TSC1: variants seen among roughly 807,000 people sequenced by gnomAD.
TSC1 encodes the protein TSC complex subunit 1.
In TSC1, 20 loss-of-function variants were observed where a neutral mutation model predicts 124.3. That is an observed-to-expected ratio of 0.16 (90% confidence interval 0.11 to 0.23). The LOEUF (loss-of-function observed/expected upper bound fraction) is 0.23. Among genes scored for constraint, TSC1 ranks in the 10% least tolerant of loss-of-function variants. TSC1 has a pLI of 1.00. For synonymous variants in TSC1, 493 were observed against 539.1 expected, an observed-to-expected ratio of 0.91 and a Z score of 1.19; for missense variants, 1,124 against 1,448.5, an observed-to-expected ratio of 0.78 and a Z score of 3.64.
At chr9:132,939,923 G>A (rs1564513972) in intron 1 of TSC1, among the ~76,000 whole-genome samples, 1 of 152,140 alleles carries the variant, frequency 6.6e-6, no homozygotes, top group Non-Finnish European at 1.5e-5. Flanking sequence ...GGCCTTCTAG[G>A]TAATTCTGAC....
chr9:132,918,396 A>C (rs899115102), intron 8 of TSC1, among the ~76,000 whole-genome samples: 6 of 152,184 alleles, frequency 3.9e-5, no homozygotes, highest in African/African-American at 1.4e-4. Flanking sequence ...AGGGGAGCTA[A>C]AATACTGAAG....
In TSC1 at chr9:132,905,831, G is replaced by A. The variant is rs2131827202; in HGVS notation, c.1747C>T (p.Pro583Ser). 1.9e-6 allele frequency: 3 copies of A among 1,614,146 alleles called. No homozygotes were observed. Among genetic ancestry groups the A allele is most frequent in the Non-Finnish European group, 2.5e-6 (3 of 1,179,956 alleles). ...GGAGGTGGAATTTTACAAGGACTGG[G>A]AGTGAAGATACTGGTCTCCAAAGAA... ...QTSLETSIFT[P>S]SPCKIPPPTR... Residue 583 changes from proline (P) to serine (S), a missense_variant, in exon 15 of 23, where the codon CCC becomes TCC. By Grantham distance (74) the Pro-to-Ser change is moderately conservative. This residue lies in a region of TSC1 where 321 missense variants were observed against 397.4 expected (regional missense o/e 0.81). Coordinates refer to ENST00000298552, the MANE Select transcript of TSC1 (RefSeq NM_000368.5).
Position 132,892,172 on chromosome 9 carries a change from G to C in TSC1, c.*4063C>G, listed in dbSNP as rs565885149. 1.7e-4 allele frequency: 39 copies of C among 233,320 alleles called. No homozygotes were observed. The highest frequency in any genetic ancestry group is 2.8e-4 in the Admixed American group (5 of 17,802). 14.5% of individuals were successfully genotyped at this position (233,320 alleles called of 1,614,324 possible). ...AACACGCTCCCCTGGGCACATCGAA[G>C]AGTCCCGGACAGGCAAACAAGCCAC... On this transcript the variant is annotated 3_prime_UTR_variant, in exon 23 of 23. Transcript: ENST00000298552.
chr9:132,911,242 G>A (rs552394727), intron 10 of TSC1, 129 bp from the exon 11 acceptor site: 14 of 857,314 alleles, frequency 1.6e-5, no homozygotes, highest in East Asian at 2.6e-5. Context: ...TATTAAAAGC[G>A]TATCAAGAAA....
At position 132,901,816 on chromosome 9, in the gene TSC1, C is replaced by A. The variant is rs2131714724; in HGVS notation, c.2392-117G>T. On this transcript the variant is annotated intron_variant, in intron 18 of 22. Transcript: ENST00000298552. ...TGCCTTAGCTCAACGGCTCTACTTT[C>A]TTGGGCCCTCAGAATTTGATGTCTT... 9.8e-6 allele frequency: 8 copies of A among 817,876 alleles called. No individual in the cohort carries two copies. In the East Asian group the frequency reaches 1.7e-4, roughly 18 times the overall value. The allele number at this position is 817,876 out of a possible 1,614,324, so 50.7% of individuals were successfully genotyped here.
At chr9:132,922,176 C>T (rs1846605269) in intron 6 of TSC1, among the ~76,000 whole-genome samples, 1 of 152,182 alleles carries the variant, frequency 6.6e-6, no homozygotes, top group Non-Finnish European at 1.5e-5. Context: ...TCAATGGCTC[C>T]CTATAAGTTT....
At position 132,895,040 on chromosome 9, in the gene TSC1, C is replaced by G. The variant is rs1207294183; in HGVS notation, c.*1195G>C. On this transcript the variant is annotated 3_prime_UTR_variant, in exon 23 of 23. Coordinates refer to ENST00000298552, the MANE Select transcript of TSC1 (RefSeq NM_000368.5). Reference sequence around the variant, plus strand: ...ACAGCCAGCCTTTGCCAGCATTCTCCCGGACTCTGTTTAGACTGCTCTGCC... The same window carrying G: ...ACAGCCAGCCTTTGCCAGCATTCTCGCGGACTCTGTTTAGACTGCTCTGCC... The G allele has an allele frequency of 4.3e-6, 1 of 232,746 alleles. No homozygotes were observed. Among genetic ancestry groups the G allele is most frequent in the Non-Finnish European group, 8.5e-6 (1 of 117,588 alleles). 14.4% of individuals were successfully genotyped at this position (232,746 alleles called of 1,614,324 possible). A position where few individuals can be genotyped will look rare whatever the true frequency, so the allele number is the denominator to read the frequency against.
intron 20 of TSC1, among the ~76,000 whole-genome samples, chr9:132,898,719 C>A (rs2131659318): frequency 6.6e-6 from 1 of 152,346 alleles, no homozygotes; most frequent in East Asian, 1.9e-4. Flanking sequence ...CTAATCCTTA[C>A]AGCTACCCCT....
chr9:132,925,845 T>G (rs1467333738), intron 4 of TSC1, 106 bp from the exon 5 acceptor site: 4 of 1,420,786 alleles, frequency 2.8e-6, no homozygotes, highest in Non-Finnish European at 3.9e-6. Flanking sequence ...GTCTCTAATG[T>G]AAAGCAAGGG....
intron 11 of TSC1, 37 bp downstream of exon 11, chr9:132,910,965 A>G: frequency 1.3e-6 from 2 of 1,596,118 alleles, no homozygotes; most frequent in South Asian, 2.2e-5. Flanking sequence ...AGGCAGGCCA[A>G]AACCAACTAA....
In TSC1 at chr9:132,903,027, T is replaced by C. The variant is rs1314430337; in HGVS notation, c.2209-240A>G. On this transcript the variant is annotated intron_variant, in intron 17 of 22. Coordinates refer to ENST00000298552, the MANE Select transcript of TSC1 (RefSeq NM_000368.5). The surrounding 1 kb of genome is among the most constrained non-coding windows in gnomAD (Gnocchi z 5.9). Reference sequence around the variant, plus strand: ...AAATCTTCTCAGGGATCAGTTTGCTTCCAATACTTTCAAAAGTCTGACTAC... The same window carrying C: ...AAATCTTCTCAGGGATCAGTTTGCTCCCAATACTTTCAAAAGTCTGACTAC... Among the ~76,000 whole-genome samples, 1 of 152,206 alleles carries C rather than the reference T, an allele frequency of 6.6e-6. No homozygotes were observed. Among genetic ancestry groups the C allele is most frequent in the East Asian group, 1.9e-4 (1 of 5,196 alleles).
chr9:132,923,237 C>A lies in TSC1; in HGVS notation c.508+111G>T. ...CCTCATCTGTCTGGTGAAAACCACT[C>A]ATTTCAGCTATAAAAGTCTACATGT... On this transcript the variant is annotated intron_variant, in intron 6 of 22. Transcript: ENST00000298552. The surrounding 1 kb of genome is among the most constrained non-coding windows in gnomAD (Gnocchi z 4.2). 1 of 1,457,188 alleles carries A rather than the reference C, an allele frequency of 6.9e-7. No homozygotes were observed. The highest frequency in any genetic ancestry group is 1.4e-5 in the South Asian group (1 of 71,814). 90.3% of individuals were successfully genotyped at this position (1,457,188 alleles called of 1,614,324 possible).
chr9:132,897,176 G>C lies in TSC1; in HGVS notation c.2975+8C>G. 6 of 1,613,986 alleles carry C rather than the reference G, an allele frequency of 3.7e-6. No homozygotes were observed. The highest frequency in any genetic ancestry group is 5.1e-6 in the Non-Finnish European group (6 of 1,180,038). ...TCCCAAGGTCATGAATCAGTTCTTT[G>C]TTCCTACCTTTCTTCTGCTGCTTCA... On this transcript the variant is annotated splice_region_variant and intron_variant, in intron 22 of 22. Coordinates refer to ENST00000298552, the MANE Select transcript of TSC1 (RefSeq NM_000368.5).
intron 6 of TSC1, among the ~76,000 whole-genome samples, 173 bp from the exon 7 acceptor site, chr9:132,922,146 A>G (rs1381121860): frequency 1.8e-4 from 28 of 152,168 alleles, no homozygotes; most frequent in Admixed American, 1.6e-3. Context: ...AACACACCAG[A>G]CACCCTTATT....
chr9:132,938,179 T>C (rs1304041421), intron 1 of TSC1, among the ~76,000 whole-genome samples: 2 of 152,254 alleles, frequency 1.3e-5, no homozygotes, highest in African/African-American at 2.4e-5. Flanking sequence ...TATTGACTTA[T>C]TCATTTGTAT....
Position 132,903,892 on chromosome 9 carries a change from T to C in TSC1, c.2042-75A>G. ...TCAATCAAGCCCCCTTCCCATGTGT[T>C]GTTAGCTTAACAAACACAATTCTTT... On this transcript the variant is annotated intron_variant, in intron 16 of 22. Coordinates refer to ENST00000298552, the MANE Select transcript of TSC1 (RefSeq NM_000368.5). The surrounding 1 kb of genome is among the most constrained non-coding windows in gnomAD (Gnocchi z 5.9). The C allele has an allele frequency of 6.4e-7, 1 of 1,559,452 alleles. No homozygotes were observed.
At chr9:132,912,579 G>A in intron 8 of TSC1, 122 bp from the exon 9 acceptor site, 4 of 1,093,704 alleles carry the variant, frequency 3.7e-6, no homozygotes, top group Non-Finnish European at 5.4e-6. Context: ...GACCATGCCA[G>A]CCCAAGTCTG....
rs11364856 is a variant in TSC1 at position 132,911,625 on chromosome 9, TAAAAAAAAAAAAAAAA to T, written c.914-73_914-58del. 72 of 169,156 alleles carry T rather than the reference TAAAAAAAAAAAAAAAA, an allele frequency of 4.3e-4. No homozygotes were observed. In the East Asian group the frequency reaches 8.4e-3, roughly 20 times the overall value. The allele number at this position is 169,156 out of a possible 1,614,324, so 10.5% of individuals were successfully genotyped here. A position where few individuals can be genotyped will look rare whatever the true frequency, so the allele number is the denominator to read the frequency against. On this transcript the variant is annotated intron_variant, in intron 9 of 22. Transcript: ENST00000298552. The stretch of plus-strand genomic sequence containing the variant: ...GTGTGTGGTTTTAGGTTATTCTGGT[TAAAAAAAAAAAAAAAA>T]AAAAAAAAAAAAAAAGATGGTCCTC...
intron 2 of TSC1, 114 bp from the exon 3 acceptor site, chr9:132,929,066 A>G: frequency 2.3e-6 from 2 of 881,000 alleles, no homozygotes; most frequent in Non-Finnish European, 3.3e-6. Flanking sequence ...AAGTTTGGCC[A>G]GAATTCTCTG....
Sources: gnomAD v4.1 joint callset for allele counts (sites outside exome capture counted in the v4.1 genomes callset) on GRCh38, gnomAD v4.1.1 for gene constraint, gnomAD v4.1.1 regional missense constraint, Gnocchi (gnomAD v3.1) non-coding constraint, MANE v1.5 for transcripts, NCBI Gene and HGNC (gene_info 2026-07-23, HGNC 2026-07-21) for gene names.